The following PLCH1 variants were observed in gnomAD, a reference collection of about 807,000 sequenced individuals.
PLCH1 encodes the protein 1-phosphatidylinositol 4,5-bisphosphate phosphodiesterase eta-1.
A neutral mutation model predicts 126.7 loss-of-function variants in PLCH1; 60 were observed. That is an observed-to-expected ratio of 0.47 (90% confidence interval 0.38 to 0.59). The LOEUF (loss-of-function observed/expected upper bound fraction) is 0.59. Among genes scored for constraint, PLCH1 ranks in the 20% least tolerant of loss-of-function variants. The pLI is 0.00. For missense variants in PLCH1, 1,723 were observed against 2,040.0 expected (o/e 0.84, Z 2.99); for synonymous variants, 719 against 734.9 (o/e 0.98, Z 0.35).
intron 8 of PLCH1, among the ~76,000 whole-genome samples, 157 bp from the exon 9 acceptor site, chr3:155,554,353 A>C (rs1027163530): frequency 1.3e-5 from 2 of 152,254 alleles, no homozygotes; most frequent in African/African-American, 4.8e-5. Flanking sequence ...GTGTTCTGGC[A>C]TATTTATCAG....
At chr3:155,458,384 AAGAAGGAAGGAAG>A (rs1560027073) in intron 21 of PLCH1, among the ~76,000 whole-genome samples, 6 of 93,646 alleles carry the variant, frequency 6.4e-5, no homozygotes, top group African/African-American at 2.8e-4. Context: ...GAAAGAAAGA[AAGAAGGAAGGAAG>A]GAAGGAAGGA....
At chr3:155,487,895 T>A in intron 21 of PLCH1, 133 bp downstream of exon 21, 1 of 616,412 alleles carries the variant, frequency 1.6e-6, no homozygotes, top group Non-Finnish European at 2.9e-6. Context: ...CAGACTGGGC[T>A]TGCTGGGCCT....
Position 155,548,902 on chromosome 3 carries a change from A to T in PLCH1, c.1362+885T>A, listed in dbSNP as rs145086770. On this transcript the variant is annotated intron_variant, in intron 10 of 22. Transcript: ENST00000460012. ...CTTTTCCATGTGCTGCTCTCCCTTAAAGCCCCAGTTGAAGTCCTGCCATGA... is the reference window on the plus strand; with the variant it reads ...CTTTTCCATGTGCTGCTCTCCCTTATAGCCCCAGTTGAAGTCCTGCCATGA... 1.6e-3 allele frequency among the ~76,000 whole-genome samples: 240 copies of T among 152,254 alleles called. 1 individual carries two copies. Among genetic ancestry groups the T allele is most frequent in the African/African-American group, 5.5e-3 (228 of 41,538 alleles).
intron 13 of PLCH1, among the ~76,000 whole-genome samples, chr3:155,502,565 T>C (rs1481276321): frequency 6.6e-6 from 1 of 152,172 alleles, no homozygotes; most frequent in Non-Finnish European, 1.5e-5. Flanking sequence ...GTAATAAATG[T>C]CTTTTTAAGA....
At chr3:155,664,087 T>G (rs551532868) in intron 2 of PLCH1, among the ~76,000 whole-genome samples, 1 of 152,266 alleles carries the variant, frequency 6.6e-6, no homozygotes, top group South Asian at 2.1e-4. Context: ...CTGATGACAG[T>G]ACCAATTATA....
At chr3:155,705,184 T>C (rs1040437887) in intron 1 of PLCH1, among the ~76,000 whole-genome samples, 1 of 152,216 alleles carries the variant, frequency 6.6e-6, no homozygotes, top group Non-Finnish European at 1.5e-5. Flanking sequence ...TTTGTAAACG[T>C]ATCCCAGGAT....
At chr3:155,470,693 T>A (rs1487892859) in intron 21 of PLCH1, among the ~76,000 whole-genome samples, 1 of 151,898 alleles carries the variant, frequency 6.6e-6, no homozygotes, top group East Asian at 1.9e-4. Flanking sequence ...CGGGTTACCC[T>A]CAAAGGGAAG....
At chr3:155,662,830 C>G (rs6807368) in intron 2 of PLCH1, among the ~76,000 whole-genome samples, 18,177 of 151,874 alleles carry the variant, frequency 0.12, 1,161 homozygotes, top group East Asian at 0.19. Flanking sequence ...CGCCCGGCTA[C>G]TTTTTGTATT....
At chr3:155,587,727 G>A (rs991481902) in intron 4 of PLCH1, among the ~76,000 whole-genome samples, 1 of 152,214 alleles carries the variant, frequency 6.6e-6, no homozygotes, top group Non-Finnish European at 1.5e-5. Flanking sequence ...GATCCTCAGT[G>A]GGAGGAGCCT....
chr3:155,469,256 T>C (rs951586313), intron 21 of PLCH1, among the ~76,000 whole-genome samples: 1 of 152,130 alleles, frequency 6.6e-6, no homozygotes, highest in African/African-American at 2.4e-5. Flanking sequence ...AGGCATTGCC[T>C]CACTTGGGAA....
chr3:155,488,736 G>T lies in PLCH1; in HGVS notation c.2463C>A (p.Phe821Leu). ...VHMPEIALVR[F>L]LVWDHDPIGR... ...CAATGGGATCGTGATCCCACACAAG[G>T]AACCGAACCAAAGCTATTTCTGGCA... Residue 821 changes from phenylalanine (F) to leucine (L), a missense_variant, in exon 20 of 23, where the codon TTC (phenylalanine) becomes TTA (leucine). By Grantham distance (22) the Phe-to-Leu change is conservative (BLOSUM62 0). Around this residue, in one of 2 missense-constraint regions of PLCH1, gnomAD observed 776 missense variants for 1,062.9 expected, o/e 0.73. Transcript: ENST00000460012. 1 of 1,613,862 alleles carries T rather than the reference G, an allele frequency of 6.2e-7. No homozygotes were observed. Among genetic ancestry groups the T allele is most frequent in the South Asian group, 1.1e-5 (1 of 91,062 alleles).
intron 5 of PLCH1, among the ~76,000 whole-genome samples, chr3:155,585,647 A>C (rs142133888): frequency 1.3e-4 from 20 of 152,272 alleles, no homozygotes; most frequent in African/African-American, 3.9e-4. Flanking sequence ...CCTAATCCTC[A>C]TGGATACTAA....
chr3:155,516,626 G>A (rs927181000), intron 11 of PLCH1, among the ~76,000 whole-genome samples: 2 of 152,060 alleles, frequency 1.3e-5, no homozygotes, highest in Admixed American at 1.3e-4. Flanking sequence ...TATGCCAAAA[G>A]AGGAAGTGTG....
chr3:155,604,218 C>A (rs1227146159), intron 2 of PLCH1, among the ~76,000 whole-genome samples: 1 of 152,042 alleles, frequency 6.6e-6, no homozygotes, highest in African/African-American at 2.4e-5. Flanking sequence ...CTCTTCACAG[C>A]AAATGGCTTC....
In PLCH1 at chr3:155,504,600, C is replaced by T. The variant is rs777619354; in HGVS notation, c.1659G>A (p.Lys553=). 5 of 1,607,012 alleles carry T rather than the reference C, an allele frequency of 3.1e-6. No homozygotes were observed. In the Admixed American group the frequency reaches 8.3e-5, roughly 27 times the overall value. Residue 553 remains lysine (K), a synonymous_variant, in exon 13 of 23, where the codon AAG becomes AAA. Coordinates refer to ENST00000460012, the MANE Select transcript of PLCH1 (RefSeq NM_014996.4). ...KQSPDVKESG[K]KSHGRSLMTN... ...TCATGAGGGATCGTCCATGTGATTTCTTTCCACTTTCCTTTACATCTGGAC... is the reference window on the plus strand; with the variant it reads ...TCATGAGGGATCGTCCATGTGATTTTTTTCCACTTTCCTTTACATCTGGAC...
intron 4 of PLCH1, among the ~76,000 whole-genome samples, chr3:155,587,152 T>C (rs1208615700): frequency 6.6e-6 from 1 of 152,236 alleles, no homozygotes; most frequent in Non-Finnish European, 1.5e-5. Context: ...GGCATACAGA[T>C]GGCATGTAGC....
chr3:155,571,909 C>T (rs780153633), intron 6 of PLCH1, among the ~76,000 whole-genome samples: 1 of 152,144 alleles, frequency 6.6e-6, no homozygotes, highest in Non-Finnish European at 1.5e-5. Context: ...TCCAAGTATG[C>T]GAATGTTGAA....
Position 155,503,326 on chromosome 3 carries a change from G to A in PLCH1, c.1704+1229C>T, listed in dbSNP as rs564182989. ...TAATATTGATGGAATAAAACTGTAT[G>A]TACTCTCTTGGGTCTGGTTTATTTT... On this transcript the variant is annotated intron_variant, in intron 13 of 22. Transcript: ENST00000460012. Among the ~76,000 whole-genome samples the A allele has an allele frequency of 3.9e-5, 6 of 152,136 alleles. No homozygotes were observed. In the South Asian group the frequency reaches 1.2e-3, roughly 32 times the overall value.
At chr3:155,614,314 A>G (rs1735506315) in intron 2 of PLCH1, among the ~76,000 whole-genome samples, 1 of 152,212 alleles carries the variant, frequency 6.6e-6, no homozygotes, top group Admixed American at 6.5e-5. Flanking sequence ...CTCATATGGA[A>G]CCAAAAAAGA....
Sources: allele counts gnomAD v4.1 joint callset (sites outside exome capture counted in the v4.1 genomes callset), GRCh38; gene constraint gnomAD v4.1.1; regional missense constraint gnomAD v4.1.1; transcripts MANE v1.5; gene names NCBI Gene and HGNC (gene_info 2026-07-23, HGNC 2026-07-21).